The following GNAO1 variants were observed in gnomAD, a reference collection of about 807,000 sequenced individuals.
GNAO1 encodes guanine nucleotide-binding protein G(o) subunit alpha.
For synonymous variants in GNAO1, 164 were observed against 180.7 expected, an observed-to-expected ratio of 0.91 and a Z score of 0.74; for missense variants, 166 against 478.7, an observed-to-expected ratio of 0.35 and a Z score of 6.10.
chr16:56,335,482 G>A (rs913202155), intron 5 of GNAO1, among the ~76,000 whole-genome samples: 6 of 152,202 alleles, frequency 3.9e-5, no homozygotes, highest in African/African-American at 7.2e-5. Flanking sequence ...GGCCTGCTCC[G>A]TCCTGTGGGG....
intron 2 of GNAO1, among the ~76,000 whole-genome samples, chr16:56,236,945 G>A (rs548789862): frequency 1.3e-5 from 2 of 152,324 alleles, no homozygotes; most frequent in East Asian, 3.9e-4. Context: ...ATCACTTATT[G>A]CTGGGTGATC....
chr16:56,299,355 C>A (rs1285978741), intron 3 of GNAO1, among the ~76,000 whole-genome samples: 1 of 152,234 alleles, frequency 6.6e-6, no homozygotes, highest in African/African-American at 2.4e-5. Context: ...GAGGTAGGGC[C>A]CTGGGGCCTG....
At chr16:56,227,886 G>T (rs1279464204) in intron 2 of GNAO1, among the ~76,000 whole-genome samples, 1 of 151,986 alleles carries the variant, frequency 6.6e-6, no homozygotes, top group Non-Finnish European at 1.5e-5. Flanking sequence ...CAATTTAATG[G>T]TGTTCTTCAG....
chr16:56,196,478 T>G (rs1277195543), intron 2 of GNAO1, among the ~76,000 whole-genome samples: 1 of 152,214 alleles, frequency 6.6e-6, no homozygotes, highest in Non-Finnish European at 1.5e-5. Flanking sequence ...AAGTTGTAAT[T>G]TTATGAGGTG....
chr16:56,195,074 CTT>C (rs76130140), intron 2 of GNAO1, among the ~76,000 whole-genome samples: 45 of 93,592 alleles, frequency 4.8e-4, no homozygotes, highest in African/African-American at 1.8e-3. Flanking sequence ...TTTACTTCTC[CTT>C]TTTTTTTTTT....
chr16:56,321,719 A>G (rs2037572962), intron 3 of GNAO1, among the ~76,000 whole-genome samples: 1 of 152,098 alleles, frequency 6.6e-6, no homozygotes, highest in South Asian at 2.1e-4. Context: ...GCAGCTGCCC[A>G]GGAGAACAGG....
In GNAO1 at chr16:56,351,619, C is replaced by T; in HGVS notation, c.877+82C>T. 1 of 1,134,014 alleles carries T rather than the reference C, an allele frequency of 8.8e-7. No homozygotes were observed. Among genetic ancestry groups the T allele is most frequent in the East Asian group, 2.4e-5 (1 of 42,510 alleles). The allele number at this position is 1,134,014 out of a possible 1,614,324, so 70.2% of individuals were successfully genotyped here. ...CTCAGAGAACAGGCTGCTCGGCCAG[C>T]ACTGCTGGGGCTAGCTGGCGAGCGG... is the stretch of plus-strand genomic sequence containing the variant. On this transcript the variant is annotated intron_variant, in intron 7 of 8. Coordinates refer to ENST00000262493, the MANE Select transcript of GNAO1 (RefSeq NM_020988.3). The surrounding 1 kb of genome is among the most constrained non-coding windows in gnomAD (Gnocchi z 6.1).
chr16:56,198,906 T>C (rs2143294329), intron 2 of GNAO1, among the ~76,000 whole-genome samples: 1 of 152,344 alleles, frequency 6.6e-6, no homozygotes, highest in South Asian at 2.1e-4. Context: ...TGTGTTGTCA[T>C]AACTGATGTG....
At chr16:56,262,891 C>T (rs1325228910) in intron 2 of GNAO1, among the ~76,000 whole-genome samples, 1 of 152,244 alleles carries the variant, frequency 6.6e-6, no homozygotes, top group Non-Finnish European at 1.5e-5. Flanking sequence ...GAGGACTCAG[C>T]AGCCATAAAG....
intron 2 of GNAO1, among the ~76,000 whole-genome samples, chr16:56,218,194 T>C (rs1385444170): frequency 2.6e-5 from 4 of 152,270 alleles, no homozygotes; most frequent in African/African-American, 9.6e-5. Flanking sequence ...ATTTCCTTTC[T>C]GTCCTTTGCT....
At chr16:56,324,565 A>G (rs2037611797) in intron 3 of GNAO1, among the ~76,000 whole-genome samples, 2 of 152,188 alleles carry the variant, frequency 1.3e-5, no homozygotes, top group South Asian at 2.1e-4. Flanking sequence ...TAGGCCTTGC[A>G]CTGTTTTTAG....
chr16:56,203,951 G>A (rs1458183658), intron 2 of GNAO1, among the ~76,000 whole-genome samples: 1 of 152,156 alleles, frequency 6.6e-6, no homozygotes, highest in Non-Finnish European at 1.5e-5. Flanking sequence ...GGGGTATATA[G>A]GGTGCCAAGT....
intron 2 of GNAO1, among the ~76,000 whole-genome samples, chr16:56,220,695 G>C (rs778410026): frequency 6.6e-6 from 1 of 152,120 alleles, no homozygotes; most frequent in Non-Finnish European, 1.5e-5. Flanking sequence ...AGGTGCTTAG[G>C]TCACAAGGGT....
At chr16:56,300,033 GTGTGCGCGCGCGCGCGCGC>G (rs2037327298) in intron 3 of GNAO1, among the ~76,000 whole-genome samples, 8 of 148,770 alleles carry the variant, frequency 5.4e-5, no homozygotes, top group Admixed American at 5.3e-4. Flanking sequence ...GTGTGTGTGT[GTGTGCGCGCGCGCGCGCGC>G]ACGCACATGT....
rs76462449 is a variant in GNAO1, at chr16:56,213,246, C to T, written c.161+20630C>T. 43,570 of 398,368 alleles carry T rather than the reference C, an allele frequency of 0.11. 3,249 individuals carry two copies. Among genetic ancestry groups the T allele is most frequent in the African/African-American group, 0.26 (12,661 of 48,666 alleles). 24.7% of individuals were successfully genotyped at this position (398,368 alleles called of 1,614,324 possible). On this transcript the variant is annotated intron_variant, in intron 2 of 8. Coordinates refer to ENST00000262493, the MANE Select transcript of GNAO1 (RefSeq NM_020988.3). ...TTTCCATCGAGGTTATTCTTTCTTT[C>T]TTCTTTTTTTTTTCCCACTCTGCAG...
At chr16:56,216,981 G>A (rs1348521045) in intron 2 of GNAO1, among the ~76,000 whole-genome samples, 10 of 152,236 alleles carry the variant, frequency 6.6e-5, no homozygotes, top group Non-Finnish European at 1.5e-4. Flanking sequence ...TTGGCTTAGG[G>A]CTCAGCTATG....
chr16:56,260,942 C>T (rs1596826889), intron 2 of GNAO1, among the ~76,000 whole-genome samples: 1 of 152,136 alleles, frequency 6.6e-6, no homozygotes, highest in East Asian at 1.9e-4. Context: ...CTGGAATTCT[C>T]CCCTACTCTT....
At chr16:56,340,721 C>A in intron 6 of GNAO1, 1 of 887,498 alleles carries the variant, frequency 1.1e-6, no homozygotes, top group Non-Finnish European at 1.8e-6. Flanking sequence ...CCCGGTGGTG[C>A]ATCCAGCCAC....
intron 3 of GNAO1, among the ~76,000 whole-genome samples, chr16:56,300,354 C>G (rs1169720610): frequency 6.6e-6 from 1 of 152,172 alleles, no homozygotes; most frequent in Non-Finnish European, 1.5e-5. Context: ...AAATGAGTGG[C>G]TTCTCTCAGT....
Sources: gnomAD v4.1 joint callset for allele counts (sites outside exome capture counted in the v4.1 genomes callset) on GRCh38, gnomAD v4.1.1 for gene constraint, Gnocchi (gnomAD v3.1) non-coding constraint, MANE v1.5 for transcripts, NCBI Gene and HGNC (gene_info 2026-07-23, HGNC 2026-07-21) for gene names.